The following NDE1 variants were observed in gnomAD, a reference collection of about 807,000 sequenced individuals.
NDE1 encodes the protein nudE neurodevelopment protein 1.
NDE1 carries 28 observed loss-of-function variants against 43.4 expected under a neutral mutation model. That is an observed-to-expected ratio of 0.65 (90% CI 0.48 to 0.89). The LOEUF (loss-of-function observed/expected upper bound fraction) is 0.89, where lower values mean the gene tolerates loss of function less well. Among genes scored for constraint, NDE1 ranks in the 40% least tolerant of loss-of-function variants. The pLI, the probability that NDE1 is intolerant of heterozygous loss-of-function variation, is 0.00. For missense variants in NDE1, 441 were observed against 434.1 expected (o/e 1.02, Z -0.14); for synonymous variants, 184 against 172.0 (o/e 1.07, Z -0.55).
intron 6 of NDE1, 129 bp downstream of exon 6, chr16:15,691,452 C>A: frequency 9.3e-7 from 1 of 1,079,984 alleles, no homozygotes; most frequent in Non-Finnish European, 1.4e-6. Context: ...AGGCTTTGAG[C>A]AGAGAGTAGA....
chr16:15,724,443 G>C lies in NDE1; in HGVS notation c.*192G>C. 1 of 1,612,656 alleles carries C rather than the reference G, an allele frequency of 6.2e-7. No individual in the cohort carries two copies. The highest frequency in any genetic ancestry group is 8.5e-7 in the Non-Finnish European group (1 of 1,179,768). ...ACAGCGTCCAGGGTAGGGTGAGAGG[G>C]GGACCATGAGTGGCCCCTGTCCCTG... is the stretch of plus-strand genomic sequence containing the variant. On this transcript the variant is annotated 3_prime_UTR_variant, in exon 9 of 9. Coordinates refer to ENST00000396354, the MANE Select transcript of NDE1 (RefSeq NM_017668.3).
At chr16:15,710,688 G>GT (rs202074294) in intron 8 of NDE1, among the ~76,000 whole-genome samples, 3,193 of 147,488 alleles carry the variant, frequency 0.022, 40 homozygotes, top group African/African-American at 0.032. Flanking sequence ...TTTGTTTTTT[G>GT]TTTTTTTTTT....
At chr16:15,675,470 T>C (rs932646699) in intron 3 of NDE1, among the ~76,000 whole-genome samples, 8 of 150,546 alleles carry the variant, frequency 5.3e-5, no homozygotes, top group Non-Finnish European at 7.4e-5. Context: ...GTGGTCTCAC[T>C]CTGTGGCCTG....
At chr16:15,719,441 T>A (rs554011379) in intron 8 of NDE1, 6 of 1,475,960 alleles carry the variant, frequency 4.1e-6, no homozygotes, top group Non-Finnish European at 5.6e-6. Flanking sequence ...CGTGAATACA[T>A]AGAGGAGGGA....
intron 8 of NDE1, chr16:15,708,955 CTTTT>C: frequency 8.7e-7 from 1 of 1,145,968 alleles, no homozygotes; most frequent in Non-Finnish European, 1.3e-6. Flanking sequence ...TAAAGGCACT[CTTTT>C]TTATTTTGAG....
At chr16:15,654,760 C>A (rs1357676765) in intron 1 of NDE1, among the ~76,000 whole-genome samples, 1 of 148,002 alleles carries the variant, frequency 6.8e-6, no homozygotes, top group African/African-American at 2.5e-5. Context: ...TGCTCACATG[C>A]ACATTTAGAG....
At chr16:15,699,052 T>A (rs2039131468) in intron 8 of NDE1, among the ~76,000 whole-genome samples, 1 of 151,122 alleles carries the variant, frequency 6.6e-6, no homozygotes, top group African/African-American at 2.4e-5. Context: ...CCCTGGCTAA[T>A]TTTTTTTATA....
intron 8 of NDE1, chr16:15,703,928 T>G (rs781091185): frequency 1.5e-5 from 24 of 1,573,844 alleles, no homozygotes; most frequent in African/African-American, 1.2e-4. Context: ...TTGTTGGGTT[T>G]TTTTTGTTTG....
exon 1 of NDE1, chr16:15,643,545 T>A: frequency 2.8e-6 from 1 of 355,696 alleles, no homozygotes. Flanking sequence ...GAACGGGATT[T>A]CAATGAAAAA....
At chr16:15,669,260 C>T (rs1472563076) in intron 3 of NDE1, among the ~76,000 whole-genome samples, 3 of 151,732 alleles carry the variant, frequency 2.0e-5, no homozygotes, top group African/African-American at 7.3e-5. Context: ...GTGGCACAAT[C>T]TCACCTCACT....
At chr16:15,703,550 A>G in intron 8 of NDE1, 1 of 333,356 alleles carries the variant, frequency 3.0e-6, no homozygotes. Context: ...CTTACATCAT[A>G]CAAACTTCAA....
At chr16:15,673,586 G>A (rs2037711719) in intron 3 of NDE1, among the ~76,000 whole-genome samples, 1 of 151,046 alleles carries the variant, frequency 6.6e-6, no homozygotes, top group African/African-American at 2.4e-5. Flanking sequence ...GGGCTAGAGT[G>A]CAGTGGCATG....
Position 15,687,500 on chromosome 16 carries a change from A to T in NDE1, c.512A>T (p.Asp171Val). The T allele has an allele frequency of 6.2e-7, 1 of 1,614,074 alleles. No homozygotes were observed. The highest frequency in any genetic ancestry group is 8.5e-7 in the Non-Finnish European group (1 of 1,180,002). ...CTGGAATCTGTTCAGAGACTGAAGG[A>T]TGAAGCCAGAGGTCAGGAGGCCTTG... is the stretch of plus-strand genomic sequence containing the variant. ...NLLESVQRLK[D>V]EARDLRQELA... Residue 171 changes from aspartate to valine, a missense_variant, in exon 5 of 9, where the codon GAT becomes GTT. Transcript: ENST00000396354.
intron 5 of NDE1, among the ~76,000 whole-genome samples, chr16:15,687,882 CAG>C (rs2038520132): frequency 1.3e-5 from 2 of 152,322 alleles, no homozygotes; most frequent in East Asian, 1.9e-4. Context: ...TCAGTAGGAA[CAG>C]AGAGTTTTGT....
chr16:15,646,919 G>A (rs2036342272), upstream of NDE1, among the ~76,000 whole-genome samples: 4 of 150,212 alleles, frequency 2.7e-5, no homozygotes, highest in South Asian at 8.4e-4. Context: ...GCATGGTGGT[G>A]AACACCTGTA....
At chr16:15,682,730 T>C (rs977836447) in intron 4 of NDE1, among the ~76,000 whole-genome samples, 22 of 152,170 alleles carry the variant, frequency 1.4e-4, no homozygotes, top group African/African-American at 4.6e-4. Context: ...TTTTATTTTA[T>C]TTATTTATTT....
chr16:15,656,417 A>G (rs1262907928), intron 1 of NDE1, among the ~76,000 whole-genome samples: 1 of 152,162 alleles, frequency 6.6e-6, no homozygotes, highest in Non-Finnish European at 1.5e-5. Flanking sequence ...CTGCCCCACA[A>G]TAGACGCACC....
At chr16:15,698,953 T>C (rs1028607136) in intron 8 of NDE1, among the ~76,000 whole-genome samples, 4 of 151,660 alleles carry the variant, frequency 2.6e-5, no homozygotes, top group African/African-American at 9.7e-5. Flanking sequence ...GGTGCGACCA[T>C]AGCTCACTGC....
intron 8 of NDE1, among the ~76,000 whole-genome samples, chr16:15,708,197 C>T (rs2039569502): frequency 6.6e-6 from 1 of 152,178 alleles, no homozygotes; most frequent in Non-Finnish European, 1.5e-5. Context: ...ACTCAAGCCA[C>T]GTGCAGCCCC....
Sources: allele counts gnomAD v4.1 joint callset (sites outside exome capture counted in the v4.1 genomes callset), GRCh38; gene constraint gnomAD v4.1.1; transcripts MANE v1.5; gene names NCBI Gene and HGNC (gene_info 2026-07-23, HGNC 2026-07-21).